The following SGCZ variants were observed in gnomAD, a reference collection of about 807,000 sequenced individuals.
SGCZ encodes sarcoglycan zeta.
SGCZ carries 40 observed loss-of-function variants against 41.3 expected under a neutral mutation model. The ratio of observed to expected loss-of-function variants is 0.97; its 90% confidence interval spans 0.75 to 1.26. SGCZ has a LOEUF of 1.26. Among genes scored for constraint, SGCZ ranks in the 50% most tolerant of loss-of-function variants. The pLI, the probability that SGCZ is intolerant of heterozygous loss-of-function variation, is 0.00. For missense variants in SGCZ, 552 were observed against 369.8 expected (o/e 1.49, Z -4.04); for synonymous variants, 206 against 137.5 (o/e 1.50, Z -3.49).
At chr8:14,808,523 C>A (rs1165264678) in intron 1 of SGCZ, among the ~76,000 whole-genome samples, 1 of 152,152 alleles carries the variant, frequency 6.6e-6, no homozygotes, top group Non-Finnish European at 1.5e-5. Context: ...ATCAAAACCA[C>A]AATGAGATAC....
intron 4 of SGCZ, among the ~76,000 whole-genome samples, chr8:14,236,056 T>C (rs1806748218): frequency 6.6e-6 from 1 of 152,226 alleles, no homozygotes; most frequent in Non-Finnish European, 1.5e-5. Context: ...GGCAGTTCTA[T>C]CTGGCTGAAG....
chr8:14,757,593 A>G (rs1799720230), intron 1 of SGCZ, among the ~76,000 whole-genome samples: 1 of 152,208 alleles, frequency 6.6e-6, no homozygotes, highest in Non-Finnish European at 1.5e-5. Context: ...AAGGAGGCAG[A>G]AATAACTTGC....
At chr8:14,937,867 G>C (rs942443774) in intron 1 of SGCZ, among the ~76,000 whole-genome samples, 1 of 152,000 alleles carries the variant, frequency 6.6e-6, no homozygotes, top group African/African-American at 2.4e-5. Context: ...CATAACATCT[G>C]ATATTTTTAA....
intron 1 of SGCZ, among the ~76,000 whole-genome samples, chr8:14,556,110 A>G (rs961885395): frequency 6.6e-6 from 1 of 151,930 alleles, no homozygotes; most frequent in Admixed American, 6.6e-5. Flanking sequence ...TAAGAAGAGT[A>G]AAACAATATG....
intron 1 of SGCZ, among the ~76,000 whole-genome samples, chr8:14,934,259 A>G (rs1800014700): frequency 6.6e-6 from 1 of 152,018 alleles, no homozygotes; most frequent in African/African-American, 2.4e-5. Flanking sequence ...AATAGACAGC[A>G]GAATAAAATC....
intron 4 of SGCZ, among the ~76,000 whole-genome samples, chr8:14,169,025 G>A (rs1034941563): frequency 1.5e-4 from 23 of 152,080 alleles, no homozygotes; most frequent in African/African-American, 4.1e-4. Context: ...TATGTTATAC[G>A]TAATGCACTC....
intron 3 of SGCZ, among the ~76,000 whole-genome samples, chr8:14,253,307 T>C (rs1166338138): frequency 1.3e-5 from 2 of 151,806 alleles, no homozygotes; most frequent in African/African-American, 4.8e-5. Flanking sequence ...AGATTTAATT[T>C]TTGTTTATGA....
chr8:15,174,411 T>C (rs1585640138), intron 1 of SGCZ, among the ~76,000 whole-genome samples: 1 of 152,146 alleles, frequency 6.6e-6, no homozygotes, highest in Non-Finnish European at 1.5e-5. Context: ...AAAACAAAGA[T>C]AAAACAGAAC....
At chr8:14,619,299 A>G (rs1806207503) in intron 1 of SGCZ, among the ~76,000 whole-genome samples, 1 of 152,166 alleles carries the variant, frequency 6.6e-6, no homozygotes, top group Admixed American at 6.5e-5. Flanking sequence ...TCAAAATAAT[A>G]AGAGCTATCT....
chr8:14,116,574 T>A (rs1358153219), intron 5 of SGCZ, among the ~76,000 whole-genome samples: 1 of 152,010 alleles, frequency 6.6e-6, no homozygotes, highest in Admixed American at 6.6e-5. Context: ...ATGCATAGAG[T>A]CCAAATGAGA....
chr8:14,873,471 T>C (rs1312693783), intron 1 of SGCZ, among the ~76,000 whole-genome samples: 1 of 152,134 alleles, frequency 6.6e-6, no homozygotes, highest in Non-Finnish European at 1.5e-5. Context: ...ATTACTTTAT[T>C]TGTAAGGTGG....
intron 2 of SGCZ, among the ~76,000 whole-genome samples, chr8:14,485,596 T>C (rs1376189341): frequency 6.6e-6 from 1 of 152,156 alleles, no homozygotes; most frequent in Non-Finnish European, 1.5e-5. Context: ...TGATGGGTCC[T>C]GTGCTTCCAG....
chr8:15,092,910 T>A (rs1806204650), intron 1 of SGCZ, among the ~76,000 whole-genome samples: 1 of 152,172 alleles, frequency 6.6e-6, no homozygotes, highest in African/African-American at 2.4e-5. Context: ...AAAACAGATG[T>A]GTAGGCATCC....
Position 14,085,358 on chromosome 8 carries a change from C to A in SGCZ, c.*5085G>T, listed in dbSNP as rs1009462403. ...AAAGAATTGTATAAATAACGAGACACTCAAACTCCAGATTACATATCTCCA... is the reference window on the plus strand; with the variant it reads ...AAAGAATTGTATAAATAACGAGACAATCAAACTCCAGATTACATATCTCCA... On this transcript the variant is annotated 3_prime_UTR_variant, in exon 8 of 8. Transcript: ENST00000382080. 6.6e-6 allele frequency among the ~76,000 whole-genome samples: 1 copy of A among 151,672 alleles called. No individual in the cohort carries two copies. Among genetic ancestry groups the A allele is most frequent in the Non-Finnish European group, 1.5e-5 (1 of 67,778 alleles).
At chr8:14,898,018 T>C (rs781655204) in intron 1 of SGCZ, among the ~76,000 whole-genome samples, 5 of 152,264 alleles carry the variant, frequency 3.3e-5, no homozygotes, top group East Asian at 1.9e-4. Flanking sequence ...TATAGTTGAT[T>C]TACAATTCAC....
At chr8:14,857,603 C>A (rs1803585705) in intron 1 of SGCZ, among the ~76,000 whole-genome samples, 1 of 152,148 alleles carries the variant, frequency 6.6e-6, no homozygotes, top group Non-Finnish European at 1.5e-5. Flanking sequence ...GTGGCTCATG[C>A]CCGTAATCCC....
chr8:14,370,566 G>T (rs1457056139), intron 2 of SGCZ, among the ~76,000 whole-genome samples: 1 of 151,590 alleles, frequency 6.6e-6, no homozygotes, highest in East Asian at 1.9e-4. Flanking sequence ...TCTTACTCAA[G>T]TTCTCTTTTC....
At chr8:15,105,132 G>A (rs1452139558) in intron 1 of SGCZ, among the ~76,000 whole-genome samples, 2 of 152,112 alleles carry the variant, frequency 1.3e-5, no homozygotes. Flanking sequence ...ACAGTTACTG[G>A]ACACTTGTAT....
At position 15,030,398 on chromosome 8, in the gene SGCZ, T is replaced by C. The variant is rs141352032; in HGVS notation, c.39+207187A>G. Among the ~76,000 whole-genome samples, 176 of 152,326 alleles carry C rather than the reference T, an allele frequency of 1.2e-3. No homozygotes were observed. The Middle Eastern group carries it at 0.014, about 12-fold the overall frequency. ...CTTAAAGCAGTAAAAAAAAGGTTTT[T>C]ACTAACTATGTAATAATGTTAACCT... On this transcript the variant is annotated intron_variant, in intron 1 of 7. Coordinates refer to ENST00000382080, the MANE Select transcript of SGCZ (RefSeq NM_139167.4).
Sources: gnomAD v4.1 joint callset for allele counts (sites outside exome capture counted in the v4.1 genomes callset) on GRCh38, gnomAD v4.1.1 for gene constraint, MANE v1.5 for transcripts, NCBI Gene and HGNC (gene_info 2026-07-23, HGNC 2026-07-21) for gene names.